Variants in WNK3 observed in about 807,000 individuals in gnomAD.
WNK3 encodes WNK lysine deficient protein kinase 3.
A neutral mutation model predicts 116.7 loss-of-function variants in WNK3; 18 were observed. That is an observed-to-expected ratio of 0.15 (90% CI 0.11 to 0.23). The LOEUF (loss-of-function observed/expected upper bound fraction) is 0.23. Among genes scored for constraint, WNK3 ranks in the 10% least tolerant of loss-of-function variants. WNK3 has a pLI of 1.00. For missense variants in WNK3, 993 were observed against 1,323.8 expected, an observed-to-expected ratio of 0.75 and a Z score of 3.88; for synonymous variants, 404 against 469.4, an observed-to-expected ratio of 0.86 and a Z score of 1.80.
At chrX:54,259,193 A>G in intron 11 of WNK3, 81 bp downstream of exon 11, 1 of 480,139 alleles carries the variant, frequency 2.1e-6, no homozygotes, top group Non-Finnish European at 3.4e-6. Flanking sequence ...TTCTCTAGTC[A>G]GGATGCACTA....
exon 19 of WNK3, chrX:54,238,452 A>G (rs2067987562): frequency 8.3e-7 from 1 of 1,207,796 alleles, no homozygotes; most frequent in African/African-American, 1.7e-5. Context: ...GCAATTGCTG[A>G]TCTCATCTCT....
At chrX:54,237,586 C>T in intron 19 of WNK3, 35 bp from the exon 20 acceptor site, 1 of 1,133,085 alleles carries the variant, frequency 8.8e-7, no homozygotes, top group Non-Finnish European at 1.2e-6. Context: ...GTTAGCATAG[C>T]ACAGACAAGT....
In WNK3 at chrX:54,213,757, A is replaced by G. The variant is rs2067650258; in HGVS notation, c.4871-11564T>C. Among the ~76,000 whole-genome samples, 5 of 109,529 alleles carry G rather than the reference A, an allele frequency of 4.6e-5. No homozygotes were observed. The South Asian group carries it at 1.9e-3, about 42-fold the overall frequency. The stretch of plus-strand genomic sequence containing the variant: ...TAAGCTTCTATCAAGAATCACAAAG[A>G]AAAAAAGAGAAGACAAATTAAATAT... On this transcript the variant is annotated intron_variant, in intron 22 of 23. Coordinates refer to ENST00000354646, the Ensembl canonical transcript of WNK3.
intron 21 of WNK3, among the ~76,000 whole-genome samples, chrX:54,231,319 ATTG>A (rs1395895861): frequency 1.8e-5 from 2 of 111,934 alleles, no homozygotes; most frequent in African/African-American, 6.5e-5. Flanking sequence ...TTAGTTGTCT[ATTG>A]TTGTTGTAAC....
At position 54,202,211 on chromosome X, in the gene WNK3, C is replaced by A. The variant is rs782366355; in HGVS notation, c.4871-18G>T. The A allele has an allele frequency of 9.4e-6, 11 of 1,164,915 alleles. No individual in the cohort carries two copies. Among genetic ancestry groups the A allele is most frequent in the Non-Finnish European group, 8.1e-6 (7 of 863,956 alleles). ...CAGTGGATCTATAAGACAAAAAAAA[C>A]AACAACAGGGAAACCATGAAAAAGA... On this transcript the variant is annotated intron_variant, in intron 22 of 23. Transcript: ENST00000354646.
At chrX:54,334,340 A>G (rs782284356) in intron 1 of WNK3, among the ~76,000 whole-genome samples, 10 of 111,490 alleles carry the variant, frequency 9.0e-5, no homozygotes, top group Non-Finnish European at 1.9e-4. Flanking sequence ...AATCATCCCA[A>G]ATTGAAACTC....
At chrX:54,215,278 G>A (rs1240288046) in intron 22 of WNK3, among the ~76,000 whole-genome samples, 4 of 110,770 alleles carry the variant, frequency 3.6e-5, no homozygotes, top group African/African-American at 3.3e-5. Context: ...CTTGGCTCAC[G>A]GCAACCTCCC....
At chrX:54,297,094 C>A (rs1292661637) in intron 7 of WNK3, among the ~76,000 whole-genome samples, 1 of 111,290 alleles carries the variant, frequency 9.0e-6, no homozygotes, top group Admixed American at 9.7e-5. Context: ...CTTAGGGAAA[C>A]TGAAGCTGGA....
At chrX:54,252,065 C>CAAAAAAAAAAAAAAAAAAAAAAA in intron 13 of WNK3, among the ~76,000 whole-genome samples, 1 of 29,920 alleles carries the variant, frequency 3.3e-5, no homozygotes, top group Non-Finnish European at 6.6e-5. Flanking sequence ...AACTCTGTCT[C>CAAAAAAAAAAAAAAAAAAAAAAA]AAAAAAAAAA....
At chrX:54,237,297 G>A (rs781963579) in exon 20 of WNK3, 27 of 1,210,633 alleles carry the variant, frequency 2.2e-5, no homozygotes, top group Middle Eastern at 2.3e-4. Flanking sequence ...CACAAGCTGC[G>A]CTGAAAGATA....
exon 24 of WNK3, chrX:54,196,931 C>A (rs2067448637): frequency 9.0e-6 from 1 of 111,534 alleles, no homozygotes; most frequent in South Asian, 3.8e-4. Context: ...ACTATAGATA[C>A]TAAAAAGAAA....
chrX:54,251,299 T>C (rs782484551), intron 15 of WNK3, 100 bp downstream of exon 15: 18 of 579,933 alleles, frequency 3.1e-5, no homozygotes, highest in Non-Finnish European at 4.6e-5. Context: ...AGTTACCAAA[T>C]TAATTTATTG....
chrX:54,278,702 A>C (rs1480171062), intron 10 of WNK3, among the ~76,000 whole-genome samples: 2 of 111,821 alleles, frequency 1.8e-5, no homozygotes, highest in African/African-American at 6.5e-5. Flanking sequence ...CTCCCCAAAA[A>C]AAAACCCTGA....
chrX:54,264,751 C>T (rs184141064), intron 10 of WNK3, among the ~76,000 whole-genome samples: 184 of 111,215 alleles, frequency 1.7e-3, no homozygotes, highest in African/African-American at 5.6e-3. Flanking sequence ...AATACTGCCC[C>T]GTTAAGTGAT....
intron 10 of WNK3, among the ~76,000 whole-genome samples, chrX:54,285,748 T>G (rs782299693): frequency 2.7e-5 from 3 of 112,202 alleles, no homozygotes; most frequent in African/African-American, 6.5e-5. Flanking sequence ...TATGTCTTGA[T>G]AATGGTTGGG....
chrX:54,277,867 T>C (rs781880407), intron 10 of WNK3, among the ~76,000 whole-genome samples: 1 of 110,520 alleles, frequency 9.0e-6, no homozygotes, highest in South Asian at 3.9e-4. Flanking sequence ...CTGAGGTGGG[T>C]GGACCGCTTG....
chrX:54,282,990 AAAAT>A (rs2068535121), intron 10 of WNK3, among the ~76,000 whole-genome samples: 1 of 112,457 alleles, frequency 8.9e-6, no homozygotes. Flanking sequence ...AACTTTTAAA[AAAAT>A]TATGCCACAA....
chrX:54,234,216 A>C (rs1557149675), intron 20 of WNK3, among the ~76,000 whole-genome samples: 1 of 110,394 alleles, frequency 9.1e-6, no homozygotes, highest in Non-Finnish European at 1.9e-5. Flanking sequence ...TCTACAAAAA[A>C]ATTTAAATAT....
intron 2 of WNK3, among the ~76,000 whole-genome samples, chrX:54,322,704 G>C (rs2069053095): frequency 9.0e-6 from 1 of 111,647 alleles, no homozygotes; most frequent in Non-Finnish European, 1.9e-5. Flanking sequence ...CTAAATTTCA[G>C]TTCCACCATC....
Sources: allele counts gnomAD v4.1 joint callset (sites outside exome capture counted in the v4.1 genomes callset), GRCh38; gene constraint gnomAD v4.1.1; transcripts MANE v1.5; gene names NCBI Gene and HGNC (gene_info 2026-07-23, HGNC 2026-07-21).